The following SCRIB variants were observed in gnomAD, a reference collection of about 807,000 sequenced individuals.
SCRIB encodes the protein scribble planar cell polarity protein, also known as protein scribble homolog.
A neutral mutation model predicts 170.0 loss-of-function variants in SCRIB; 72 were observed. That is an observed-to-expected ratio of 0.42 (90% CI 0.35 to 0.52). SCRIB has a LOEUF of 0.52. Ranked by LOEUF, SCRIB falls within the 20% of genes least tolerant of loss-of-function variation. SCRIB has a pLI of 0.02. For missense variants in SCRIB, 2,475 were observed against 2,338.5 expected (o/e 1.06, Z -1.20); for synonymous variants, 1,298 against 1,044.3 (o/e 1.24, Z -4.68).
At chr8:143,806,635 G>A (rs984441109) in intron 17 of SCRIB, 151 bp from the exon 18 acceptor site, 21 of 684,264 alleles carry the variant, frequency 3.1e-5, no homozygotes, top group Non-Finnish European at 5.0e-5. Flanking sequence ...GTGGGATCCT[G>A]AGTGCCAGGG....
intron 6 of SCRIB, 86 bp downstream of exon 6, chr8:143,813,225 G>A (rs1815836252): frequency 6.3e-7 from 1 of 1,592,894 alleles, no homozygotes; most frequent in Non-Finnish European, 8.6e-7. Flanking sequence ...GGTGCCCCTT[G>A]CTGTCGGATC....
At position 143,813,129 on chromosome 8, in the gene SCRIB, G is replaced by C. The variant is rs1054578858; in HGVS notation, c.568-25C>G. The C allele has an allele frequency of 6.4e-7, 1 of 1,571,864 alleles. No individual in the cohort carries two copies. On this transcript the variant is annotated intron_variant, in intron 6 of 36. Coordinates refer to ENST00000356994, the MANE Select transcript of SCRIB (RefSeq NM_182706.5). ...GCTGCAAGAAGGAACAGAGAAAATA[G>C]TGACTATGAGGCAAAGCCTCCTGCT...
chr8:143,792,204 C>G lies in SCRIB; in HGVS notation c.4514+16G>C, dbSNP rs782730727. The G allele has an allele frequency of 1.7e-5, 27 of 1,554,170 alleles. No homozygotes were observed. Among genetic ancestry groups the G allele is most frequent in the Non-Finnish European group, 2.3e-5 (27 of 1,156,044 alleles). ...CAGGCAGCAGGGCGGGGTGGCGACC[C>G]CACACAGGGGCTCACCTGGCTGCCC... On this transcript the variant is annotated intron_variant, in intron 32 of 36. Coordinates refer to ENST00000356994, the MANE Select transcript of SCRIB (RefSeq NM_182706.5).
chr8:143,803,056 T>C (rs782286308), intron 24 of SCRIB, among the ~76,000 whole-genome samples: 10 of 152,194 alleles, frequency 6.6e-5, no homozygotes, highest in Non-Finnish European at 1.2e-4. Context: ...CTGATGGGAC[T>C]CTGCAGGAGT....
chr8:143,814,152 A>T, intron 1 of SCRIB, 34 bp from the exon 2 acceptor site: 3 of 1,506,736 alleles, frequency 2.0e-6, no homozygotes. Flanking sequence ...TCTGTGGCAG[A>T]GACCACTGCA....
At chr8:143,812,577 G>T (rs532642314) in intron 8 of SCRIB, among the ~76,000 whole-genome samples, 193 bp from the exon 9 acceptor site, 1 of 152,068 alleles carries the variant, frequency 6.6e-6, no homozygotes, top group Non-Finnish European at 1.5e-5. Flanking sequence ...CCAGGCCCCA[G>T]TGGCACTGCC....
chr8:143,810,270 C>G (rs535891713), intron 13 of SCRIB, among the ~76,000 whole-genome samples: 1 of 152,182 alleles, frequency 6.6e-6, no homozygotes. Context: ...TCCAGCCCCA[C>G]AGACCCGCCC....
At chr8:143,802,394 G>A (rs1352891288) in intron 24 of SCRIB, among the ~76,000 whole-genome samples, 2 of 152,254 alleles carry the variant, frequency 1.3e-5, no homozygotes, top group Non-Finnish European at 2.9e-5. Flanking sequence ...GTGAGGGGCC[G>A]CCGCATCCCA....
Position 143,807,587 on chromosome 8 carries a change from G to A in SCRIB, c.2143C>T (p.Leu715=), listed in dbSNP as rs782667906. 6.2e-7 allele frequency: 1 copy of A among 1,614,038 alleles called. No homozygotes were observed. Among genetic ancestry groups the A allele is most frequent in the South Asian group, 1.1e-5 (1 of 91,086 alleles). The part of the protein sequence containing the change: ...KGVSFDQANN[L]LIEPARIEEE... ...TCAATGCGAGCAGGCTCTATCAGCAGGTTATTGGCCTGGTCAAACGACACT... is the reference window on the plus strand; with the variant it reads ...TCAATGCGAGCAGGCTCTATCAGCAAGTTATTGGCCTGGTCAAACGACACT... The change falls in exon 16 of 37, where the codon CTG becomes TTG. Residue 715 remains leucine (L), a synonymous_variant. Transcript: ENST00000356994.
intron 27 of SCRIB, among the ~76,000 whole-genome samples, chr8:143,794,692 G>C (rs1179486225): frequency 6.6e-6 from 1 of 151,832 alleles, no homozygotes; most frequent in Non-Finnish European, 1.5e-5. Context: ...ACATGTGCCT[G>C]CCCAATCCCC....
chr8:143,798,226 A>G (rs1242282322), intron 24 of SCRIB, among the ~76,000 whole-genome samples: 1 of 152,156 alleles, frequency 6.6e-6, no homozygotes, highest in Non-Finnish European at 1.5e-5. Flanking sequence ...ACTGCACTTC[A>G]GCTTGGGAAA....
chr8:143,815,497 G>C lies in SCRIB; in HGVS notation c.-125C>G. The stretch of plus-strand genomic sequence containing the variant: ...CGCAGGCAGGGGGCGGGCCGCCCGA[G>C]ACTGGACGGGGACGCGGCCGCGGCC... On this transcript the variant is annotated 5_prime_UTR_variant, in exon 1 of 37. Transcript: ENST00000356994. 1 of 995,598 alleles carries C rather than the reference G, an allele frequency of 1.0e-6. No homozygotes were observed. The highest frequency in any genetic ancestry group is 1.2e-6 in the Non-Finnish European group (1 of 837,644). The allele number at this position is 995,598 out of a possible 1,614,324, so 61.7% of individuals were successfully genotyped here. A position where few individuals can be genotyped will look rare whatever the true frequency, so the allele number is the denominator to read the frequency against.
rs763274910 is a variant in SCRIB, at chr8:143,809,825, G to A, written c.1531-107C>T. Reference sequence around the variant, plus strand: ...CCTTCCCTGAGCTTCCCGCTGCCCCGACCAGGCACCGTTAACGGGCTCACG... The same window carrying A: ...CCTTCCCTGAGCTTCCCGCTGCCCCAACCAGGCACCGTTAACGGGCTCACG... On this transcript the variant is annotated intron_variant, in intron 13 of 36. Transcript: ENST00000356994. The A allele has an allele frequency of 4.3e-4, 561 of 1,306,580 alleles. 3 individuals are homozygous for A. Among genetic ancestry groups the A allele is most frequent in the South Asian group, 2.5e-3 (189 of 75,024 alleles). 80.9% of individuals were successfully genotyped at this position (1,306,580 alleles called of 1,614,324 possible). A position where few individuals can be genotyped will look rare whatever the true frequency, so the allele number is the denominator to read the frequency against.
intron 24 of SCRIB, among the ~76,000 whole-genome samples, chr8:143,802,758 A>T (rs1815226428): frequency 6.6e-6 from 1 of 152,228 alleles, no homozygotes; most frequent in Admixed American, 6.5e-5. Flanking sequence ...TCCAGGATCC[A>T]GGCCGTGCTG....
chr8:143,791,457 G>C lies in SCRIB; in HGVS notation c.4771-17C>G. ...GTCCGGTGACTGTGATGGGGAGAGT[G>C]TTGGTCAGGCCGGTGCCAGCCCTGC... On this transcript the variant is annotated splice_polypyrimidine_tract_variant and intron_variant, in intron 35 of 36. Coordinates refer to ENST00000356994, the MANE Select transcript of SCRIB (RefSeq NM_182706.5). 1 of 1,608,986 alleles carries C rather than the reference G, an allele frequency of 6.2e-7. No homozygotes were observed. The highest frequency in any genetic ancestry group is 8.5e-7 in the Non-Finnish European group (1 of 1,178,336).
rs781422107 is a variant in SCRIB at position 143,812,404 on chromosome 8, G to A, written c.788-20C>T. The A allele has an allele frequency of 9.6e-6, 15 of 1,562,016 alleles. No individual in the cohort carries two copies. The highest frequency in any genetic ancestry group is 1.1e-5 in the Non-Finnish European group (13 of 1,133,040). Reference sequence around the variant, plus strand: ...GCTGACCTGGCGTCGGGGAGACAGGGGGACAAGGCTGAGCATGGTCCCCAG... The same window carrying A: ...GCTGACCTGGCGTCGGGGAGACAGGAGGACAAGGCTGAGCATGGTCCCCAG... On this transcript the variant is annotated intron_variant, in intron 8 of 36. Coordinates refer to ENST00000356994, the MANE Select transcript of SCRIB (RefSeq NM_182706.5).
chr8:143,814,475 G>A lies in SCRIB; in HGVS notation c.160-357C>T, dbSNP rs578194643. Among the ~76,000 whole-genome samples the A allele has an allele frequency of 2.0e-5, 3 of 152,182 alleles. No homozygotes were observed. The South Asian group carries it at 6.2e-4, about 32-fold the overall frequency. On this transcript the variant is annotated intron_variant, in intron 1 of 36. Transcript: ENST00000356994. ...GGGGCCCACACTGGCCTCTGCTACTGCATCCTGACAACAAGCCTGGCCTGG... is the reference window on the plus strand; with the variant it reads ...GGGGCCCACACTGGCCTCTGCTACTACATCCTGACAACAAGCCTGGCCTGG...
intron 24 of SCRIB, among the ~76,000 whole-genome samples, chr8:143,800,963 C>G (rs1384770745): frequency 7.0e-5 from 2 of 28,598 alleles, no homozygotes; most frequent in African/African-American, 2.1e-4. Flanking sequence ...TAAGAGAAAA[C>G]ACATTGACAA....
In SCRIB at chr8:143,810,968, G is replaced by A. The variant is rs1815688566; in HGVS notation, c.1211C>T (p.Ala404Val). ...GGTGAGCACCTTCTCGCCGGTCCGG[G>A]CATCATCCTCCGTCTGGAACCGGAG... ...PMLRFQTEDD[A>V]RTGEKVLTCY... The change falls in exon 11 of 37, where the codon GCC becomes GTC. Residue 404 changes from alanine to valine, a missense_variant. Coordinates refer to ENST00000356994, the MANE Select transcript of SCRIB (RefSeq NM_182706.5). 6 of 1,611,748 alleles carry A rather than the reference G, an allele frequency of 3.7e-6. No homozygotes were observed. The highest frequency in any genetic ancestry group is 5.1e-6 in the Non-Finnish European group (6 of 1,179,554).
Sources: allele counts gnomAD v4.1 joint callset (sites outside exome capture counted in the v4.1 genomes callset), GRCh38; gene constraint gnomAD v4.1.1; transcripts MANE v1.5; gene names NCBI Gene and HGNC (gene_info 2026-07-23, HGNC 2026-07-21).